Variants in TRIM33 observed in about 807,000 individuals in gnomAD.
The protein encoded by TRIM33 is tripartite motif containing 33.
A neutral mutation model predicts 125.4 loss-of-function variants in TRIM33; 20 were observed. The observed-to-expected ratio is 0.16, with a 90% CI of 0.11 to 0.23. The LOEUF (loss-of-function observed/expected upper bound fraction) is 0.23, where lower values mean the gene tolerates loss of function less well. Among genes scored for constraint, TRIM33 ranks in the 10% least tolerant of loss-of-function variants. The pLI, the probability that TRIM33 is intolerant of heterozygous loss-of-function variation, is 1.00. For synonymous variants in TRIM33, 564 were observed against 513.9 expected (o/e 1.10, Z -1.32); for missense variants, 920 against 1,411.4 (o/e 0.65, Z 5.58).
chr1:114,399,040 G>A (rs773814704), intron 18 of TRIM33, among the ~76,000 whole-genome samples: 3 of 151,724 alleles, frequency 2.0e-5, no homozygotes, highest in Non-Finnish European at 4.4e-5. Flanking sequence ...TATTCAAGAT[G>A]GGTCACCAGA....
At chr1:114,469,247 T>G (rs1294138536) in intron 1 of TRIM33, 1 of 201,776 alleles carries the variant, frequency 5.0e-6, no homozygotes, top group Non-Finnish European at 1.1e-5. Flanking sequence ...CAGACTGTCA[T>G]GGGCAAGCAA....
intron 1 of TRIM33, among the ~76,000 whole-genome samples, chr1:114,509,948 A>C (rs976372523): frequency 6.6e-6 from 1 of 151,716 alleles, no homozygotes; most frequent in Admixed American, 6.6e-5. Flanking sequence ...TCATCCCCAA[A>C]CCTTAGGATT....
In TRIM33 at chr1:114,501,816, T is replaced by C. The variant is rs913113042; in HGVS notation, c.526+8735A>G. 6.0e-3 allele frequency among the ~76,000 whole-genome samples: 6 copies of C among 1,000 alleles called. No homozygotes were observed. The East Asian group carries it at 0.21, about 36-fold the overall frequency. 0.7% of individuals were successfully genotyped at this position (1,000 alleles called of 152,430 possible). A position where few individuals can be genotyped will look rare whatever the true frequency, so the allele number is the denominator to read the frequency against. Reference sequence around the variant, plus strand: ...AAATAATTCACAAAAGGAACATAAATAGCATATAAGCATTCAAATGTACTC... The same window carrying C: ...AAATAATTCACAAAAGGAACATAAACAGCATATAAGCATTCAAATGTACTC... On this transcript the variant is annotated intron_variant, in intron 1 of 19. Coordinates refer to ENST00000358465, the MANE Select transcript of TRIM33 (RefSeq NM_015906.4).
chr1:114,424,818 A>G, intron 9 of TRIM33, 63 bp from the exon 10 acceptor site: 1 of 1,113,392 alleles, frequency 9.0e-7, no homozygotes, highest in Non-Finnish European at 1.2e-6. Flanking sequence ...TCAATTATAA[A>G]ATGTAATCAT....
At chr1:114,417,758 A>G (rs1188018049) in intron 11 of TRIM33, among the ~76,000 whole-genome samples, 1 of 152,202 alleles carries the variant, frequency 6.6e-6, no homozygotes, top group East Asian at 1.9e-4. Context: ...TCCCAGGTTC[A>G]AGCAATTCTC....
intron 1 of TRIM33, among the ~76,000 whole-genome samples, chr1:114,486,975 T>C (rs1651738542): frequency 6.6e-6 from 1 of 151,362 alleles, no homozygotes; most frequent in Non-Finnish European, 1.5e-5. Context: ...TAGTACCAGT[T>C]ACTTGGGAGG....
At chr1:114,412,560 A>C (rs1033526345) in intron 11 of TRIM33, among the ~76,000 whole-genome samples, 1 of 152,094 alleles carries the variant, frequency 6.6e-6, no homozygotes, top group Non-Finnish European at 1.5e-5. Flanking sequence ...CCAACCACTC[A>C]TCTGCTTCCT....
At chr1:114,491,645 A>G (rs932628951) in intron 1 of TRIM33, among the ~76,000 whole-genome samples, 1 of 152,092 alleles carries the variant, frequency 6.6e-6, no homozygotes, top group Admixed American at 6.6e-5. Flanking sequence ...TTTACAAAAA[A>G]TGTAAAAAAT....
At chr1:114,442,544 C>T (rs540875581) in intron 4 of TRIM33, among the ~76,000 whole-genome samples, 8 of 151,622 alleles carry the variant, frequency 5.3e-5, no homozygotes, top group Non-Finnish European at 8.8e-5. Flanking sequence ...AAAAATTAGC[C>T]GAACGTGGTG....
rs747368470 is a variant in TRIM33, at chr1:114,402,850, AAT to A, written c.2800_2801del (p.Ile934TrpfsTer6). ...AATCATATTCAACTTCTGGCTTTCC[AAT>A]ATCTCTACAAAATGTGCATATCCAG... The part of the protein sequence containing the change: ...GDWICTFCRD[I>X]GKPEVEYDCD... On this transcript the variant is annotated frameshift_variant, in exon 16 of 20. Coordinates refer to ENST00000358465, the MANE Select transcript of TRIM33 (RefSeq NM_015906.4). LOFTEE classifies it high-confidence loss of function. 6.2e-7 allele frequency: 1 copy of A among 1,613,962 alleles called. No homozygotes were observed. The highest frequency in any genetic ancestry group is 1.3e-5 in the African/African-American group (1 of 74,932).
intron 13 of TRIM33, 96 bp from the exon 14 acceptor site, chr1:114,407,196 A>G: frequency 9.6e-7 from 1 of 1,042,518 alleles, no homozygotes; most frequent in Non-Finnish European, 1.4e-6. Flanking sequence ...AAGTGAAGAC[A>G]ATAGACAATT....
chr1:114,455,829 T>A (rs1649581880), intron 4 of TRIM33, among the ~76,000 whole-genome samples: 1 of 152,122 alleles, frequency 6.6e-6, no homozygotes, highest in Non-Finnish European at 1.5e-5. Flanking sequence ...CAACCTGACC[T>A]CAAATTGCCT....
At position 114,397,681 on chromosome 1, in the gene TRIM33, T is replaced by C. The variant is rs749349885; in HGVS notation, c.3351A>G (p.Leu1117=). The change falls in exon 20 of 20, where the codon CTA becomes CTG. Residue 1117 remains leucine, a synonymous_variant. Transcript: ENST00000358465. ...EDFIQPRRKR[L]KSDERPVHIK is the part of the protein sequence containing the mutation. ...TATGTACTGGTCTCTCATCTGACTT[T>C]AGGCGTTTTCTGCGGGGCTGTATAA... 37 of 1,612,946 alleles carry C rather than the reference T, an allele frequency of 2.3e-5. No homozygotes were observed. In the East Asian group the frequency reaches 2.9e-4, roughly 13 times the overall value.
chr1:114,443,072 C>CT (rs775765622), intron 4 of TRIM33, among the ~76,000 whole-genome samples: 178 of 144,362 alleles, frequency 1.2e-3, no homozygotes, highest in South Asian at 2.9e-3. Flanking sequence ...TCCTCTCTCC[C>CT]TTTTTTTTTT....
intron 4 of TRIM33, among the ~76,000 whole-genome samples, chr1:114,437,041 AT>A (rs1648355117): frequency 6.6e-6 from 1 of 152,238 alleles, no homozygotes; most frequent in African/African-American, 2.4e-5. Context: ...TAGTATCAAA[AT>A]TCACAAAATT....
chr1:114,454,238 AC>A (rs955892478), intron 4 of TRIM33, among the ~76,000 whole-genome samples: 1 of 152,020 alleles, frequency 6.6e-6, no homozygotes, highest in African/African-American at 2.4e-5. Context: ...GAATTGATAA[AC>A]CTTTAATTCT....
At chr1:114,462,143 G>A (rs938135421) in intron 4 of TRIM33, among the ~76,000 whole-genome samples, 4 of 152,034 alleles carry the variant, frequency 2.6e-5, no homozygotes, top group East Asian at 1.9e-4. Flanking sequence ...ACTTAAAACC[G>A]TCATAATACT....
intron 12 of TRIM33, among the ~76,000 whole-genome samples, chr1:114,409,726 G>C (rs1652463508): frequency 6.6e-6 from 1 of 152,136 alleles, no homozygotes; most frequent in Non-Finnish European, 1.5e-5. Flanking sequence ...AACTTGGCTA[G>C]GATATGACAC....
intron 4 of TRIM33, among the ~76,000 whole-genome samples, chr1:114,449,298 G>T (rs1476024019): frequency 1.3e-5 from 2 of 152,082 alleles, no homozygotes; most frequent in Admixed American, 6.6e-5. Context: ...GCAAAGAAAA[G>T]GATCAAAAAA....
Sources: gnomAD v4.1 joint callset for allele counts (sites outside exome capture counted in the v4.1 genomes callset) on GRCh38, gnomAD v4.1.1 for gene constraint, MANE v1.5 for transcripts, NCBI Gene and HGNC (gene_info 2026-07-23, HGNC 2026-07-21) for gene names.